RERE: variants seen among roughly 807,000 people sequenced by gnomAD.
RERE encodes arginine-glutamic acid dipeptide repeats protein.
A neutral mutation model predicts 146.1 loss-of-function variants in RERE; 40 were observed. That is an observed-to-expected ratio of 0.27 (90% CI 0.21 to 0.36). The LOEUF (loss-of-function observed/expected upper bound fraction) is 0.36. Ranked by LOEUF, RERE falls within the 10% of genes least tolerant of loss-of-function variation. RERE has a pLI of 1.00. For missense variants in RERE, 1,933 were observed against 2,138.7 expected (o/e 0.90, Z 1.90); for synonymous variants, 1,003 against 866.0 (o/e 1.16, Z -2.78).
chr1:8,691,183 A>G (rs1308415347), intron 1 of RERE, among the ~76,000 whole-genome samples: 1 of 152,204 alleles, frequency 6.6e-6, no homozygotes, highest in Non-Finnish European at 1.5e-5. Flanking sequence ...GGCATGAGCC[A>G]CCGTGCCCGG....
chr1:8,573,408 CT>C (rs34524431), intron 4 of RERE, among the ~76,000 whole-genome samples: 1 of 151,842 alleles, frequency 6.6e-6, no homozygotes, highest in Admixed American at 6.6e-5. Context: ...ACACTAGACT[CT>C]TTGAGTTCTT....
intron 7 of RERE, among the ~76,000 whole-genome samples, chr1:8,532,824 A>T (rs1219125684): frequency 6.6e-6 from 1 of 151,932 alleles, no homozygotes; most frequent in African/African-American, 2.4e-5. Flanking sequence ...TGAACTCCTG[A>T]CCTCGGGTGA....
intron 6 of RERE, among the ~76,000 whole-genome samples, chr1:8,550,378 CA>C (rs1484387995): frequency 6.6e-6 from 1 of 151,954 alleles, no homozygotes; most frequent in African/African-American, 2.4e-5. Context: ...CATGTATAGA[CA>C]AAACAATAAA....
rs1186718390 is a variant in RERE, at chr1:8,369,508, T to TAAA, written c.1285-3537_1285-3535dup. Among the ~76,000 whole-genome samples the TAAA allele has an allele frequency of 2.7e-3, 206 of 76,760 alleles. 2 individuals are homozygous for TAAA. Among genetic ancestry groups the TAAA allele is most frequent in the Middle Eastern group, 0.013 (1 of 78 alleles). The allele number at this position is 76,760 out of a possible 152,430, so 50.4% of individuals were successfully genotyped here. ...ATCGAATAAATCTTTCGCCTTTTAC[T>TAAA]AAAAAAAAAAAAAAAAAAAAAAAAA... On this transcript the variant is annotated intron_variant, in intron 12 of 22. Transcript: ENST00000400908.
chr1:8,593,695 AT>A (rs374951761), intron 4 of RERE, among the ~76,000 whole-genome samples: 4 of 152,220 alleles, frequency 2.6e-5, no homozygotes, highest in South Asian at 2.1e-4. Flanking sequence ...CAGAGCAGTG[AT>A]TTTTACAATG....
intron 10 of RERE, among the ~76,000 whole-genome samples, chr1:8,478,553 C>T (rs1227084178): frequency 6.6e-6 from 1 of 152,058 alleles, no homozygotes; most frequent in Non-Finnish European, 1.5e-5. Context: ...TACCTATGAA[C>T]CCCAGAAAGT....
chr1:8,804,744 C>G (rs1641651307), intron 1 of RERE, among the ~76,000 whole-genome samples: 1 of 112,516 alleles, frequency 8.9e-6, no homozygotes, highest in Non-Finnish European at 2.0e-5. Context: ...GTGGAGAAGC[C>G]ACCTCTGACA....
intron 12 of RERE, among the ~76,000 whole-genome samples, chr1:8,371,008 T>C (rs540274441): frequency 1.2e-3 from 176 of 152,230 alleles, no homozygotes; most frequent in Non-Finnish European, 2.1e-3. Context: ...TCACCTCATC[T>C]CACAACAAGG....
intron 1 of RERE, among the ~76,000 whole-genome samples, chr1:8,776,070 T>C (rs1458554328): frequency 6.6e-6 from 1 of 152,220 alleles, no homozygotes; most frequent in African/African-American, 2.4e-5. Flanking sequence ...ATTAGTTTCA[T>C]TATATTCAAG....
chr1:8,386,022 A>ATATATAT (rs1186333936), intron 12 of RERE, among the ~76,000 whole-genome samples: 4 of 26,634 alleles, frequency 1.5e-4, no homozygotes, highest in Non-Finnish European at 1.8e-4. Context: ...ATATATATAT[A>ATATATAT]TTTTTTTTTT....
At chr1:8,363,305 A>G (rs530475685) in intron 15 of RERE, among the ~76,000 whole-genome samples, 1 of 152,394 alleles carries the variant, frequency 6.6e-6, no homozygotes, top group South Asian at 2.1e-4. Context: ...GCTGTCAAGT[A>G]AAGCAGCTCA....
intron 1 of RERE, among the ~76,000 whole-genome samples, chr1:8,700,881 C>T (rs1050532413): frequency 1.3e-5 from 2 of 152,186 alleles, no homozygotes; most frequent in African/African-American, 4.8e-5. Context: ...AAATATAATA[C>T]CTACTAATAA....
chr1:8,406,642 A>T (rs974291274), intron 12 of RERE, among the ~76,000 whole-genome samples: 5 of 152,202 alleles, frequency 3.3e-5, no homozygotes, highest in Admixed American at 2.0e-4. Context: ...ATGGTTTTTT[A>T]AAAAATTATG....
chr1:8,525,945 G>A lies in RERE; in HGVS notation c.830+15269C>T, dbSNP rs1490028116. 6 of 1,343,630 alleles carry A rather than the reference G, an allele frequency of 4.5e-6. No homozygotes were observed. The African/African-American group carries it at 4.6e-5, about 10-fold the overall frequency. 83.2% of individuals were successfully genotyped at this position (1,343,630 alleles called of 1,614,324 possible). ...CTTGTGCTATGACCTAAGCCTTCAC[G>A]CAGAACGCAGAAACTTCCCCTCACT... On this transcript the variant is annotated intron_variant, in intron 7 of 22. Coordinates refer to ENST00000400908, the MANE Select transcript of RERE (RefSeq NM_001042681.2).
intron 2 of RERE, among the ~76,000 whole-genome samples, chr1:8,631,137 T>C (rs965842909): frequency 6.6e-6 from 1 of 152,232 alleles, no homozygotes. Flanking sequence ...AGGGATTTTG[T>C]TGAAAATTCC....
chr1:8,380,800 C>T (rs775925716), intron 12 of RERE: 1 of 456,532 alleles, frequency 2.2e-6, no homozygotes, highest in African/African-American at 2.0e-5. Flanking sequence ...CCCAGGAGCC[C>T]CTCTGCTGAT....
At chr1:8,363,720 C>A (rs944595693) in intron 15 of RERE, 19 of 310,514 alleles carry the variant, frequency 6.1e-5, no homozygotes, top group African/African-American at 4.1e-4. Flanking sequence ...AAAGAGCCTG[C>A]AAGTTTAAAA....
intron 7 of RERE, among the ~76,000 whole-genome samples, chr1:8,510,324 G>GA (rs200243865): frequency 1.5e-3 from 223 of 150,994 alleles, no homozygotes; most frequent in African/African-American, 4.9e-3. Flanking sequence ...CTAGCAGCAG[G>GA]AAAAAAAAAG....
chr1:8,410,574 G>A (rs1213888088), intron 12 of RERE, among the ~76,000 whole-genome samples: 1 of 152,210 alleles, frequency 6.6e-6, no homozygotes, highest in South Asian at 2.1e-4. Flanking sequence ...TAATGGGTTC[G>A]ATGTCCCCAG....
Sources: allele counts gnomAD v4.1 joint callset (sites outside exome capture counted in the v4.1 genomes callset), GRCh38; gene constraint gnomAD v4.1.1; transcripts MANE v1.5; gene names NCBI Gene and HGNC (gene_info 2026-07-23, HGNC 2026-07-21).